Variants in C8A observed in about 807,000 individuals in gnomAD.
C8A encodes the protein complement component C8 alpha chain.
C8A carries 67 observed loss-of-function variants against 65.3 expected under a neutral mutation model. That is an observed-to-expected ratio of 1.03 (90% CI 0.84 to 1.26). The LOEUF is 1.26. Ranked by LOEUF, C8A falls within the 50% of genes most tolerant of loss-of-function variation. The pLI, the probability that C8A is intolerant of heterozygous loss-of-function variation, is 0.00. For synonymous variants in C8A, 290 were observed against 259.4 expected (o/e 1.12, Z -1.13); for missense variants, 781 against 723.9 (o/e 1.08, Z -0.90).
chr1:56,870,009 T>G (rs558866788), intron 2 of C8A, among the ~76,000 whole-genome samples: 1 of 152,308 alleles, frequency 6.6e-6, no homozygotes, highest in Admixed American at 6.5e-5. Context: ...CTGAAATTTG[T>G]TATTCTGCCT....
At chr1:56,906,235 C>A (rs1644462942) in intron 7 of C8A, among the ~76,000 whole-genome samples, 1 of 152,024 alleles carries the variant, frequency 6.6e-6, no homozygotes, top group South Asian at 2.1e-4. Flanking sequence ...TGAATGGAAG[C>A]TTGAGTAGCC....
At chr1:56,885,029 A>T (rs1644278059) in intron 6 of C8A, among the ~76,000 whole-genome samples, 1 of 151,092 alleles carries the variant, frequency 6.6e-6, no homozygotes. Flanking sequence ...TTTGATTAGC[A>T]CTAGGAGAAG....
chr1:56,859,246 G>T (rs1413184695), intron 1 of C8A, among the ~76,000 whole-genome samples: 1 of 152,102 alleles, frequency 6.6e-6, no homozygotes, highest in Non-Finnish European at 1.5e-5. Flanking sequence ...ACCACCACAG[G>T]GTTCTTGTGA....
At chr1:56,895,170 C>G (rs141841492) in intron 7 of C8A, among the ~76,000 whole-genome samples, 1 of 152,138 alleles carries the variant, frequency 6.6e-6, no homozygotes, top group Non-Finnish European at 1.5e-5. Flanking sequence ...TCCAAGTACT[C>G]ATCCCTTTTT....
chr1:56,899,398 T>G (rs1479228830), intron 7 of C8A, among the ~76,000 whole-genome samples: 1 of 152,200 alleles, frequency 6.6e-6, no homozygotes, highest in African/African-American at 2.4e-5. Flanking sequence ...TGTTATTTAC[T>G]TAGTGTATAA....
At chr1:56,912,715 T>A in intron 10 of C8A, 90 bp downstream of exon 10, 1 of 1,176,400 alleles carries the variant, frequency 8.5e-7, no homozygotes, top group Non-Finnish European at 1.2e-6. Flanking sequence ...CGGCCCCTCC[T>A]TTTGGAGCTC....
intron 7 of C8A, among the ~76,000 whole-genome samples, chr1:56,889,208 G>A (rs759103567): frequency 4.6e-5 from 7 of 152,070 alleles, no homozygotes; most frequent in African/African-American, 7.2e-5. Flanking sequence ...CTATAAATCC[G>A]GAAAGTTAGT....
intron 1 of C8A, among the ~76,000 whole-genome samples, chr1:56,864,886 T>A (rs1644069845): frequency 1.3e-5 from 2 of 152,194 alleles, no homozygotes; most frequent in South Asian, 4.1e-4. Flanking sequence ...TAAGACATTA[T>A]TTTCCCCTTT....
At chr1:56,904,758 T>C (rs1048140003) in intron 7 of C8A, among the ~76,000 whole-genome samples, 1 of 152,196 alleles carries the variant, frequency 6.6e-6, no homozygotes, top group Non-Finnish European at 1.5e-5. Context: ...CTATGATTCT[T>C]TGTAAGTCAC....
At chr1:56,887,448 T>C (rs1644308642) in intron 7 of C8A, among the ~76,000 whole-genome samples, 1 of 152,228 alleles carries the variant, frequency 6.6e-6, no homozygotes, top group South Asian at 2.1e-4. Context: ...ATTTCTCTAA[T>C]GACCAGTGAT....
At position 56,874,979 on chromosome 1, in the gene C8A, A is replaced by G. The variant is rs183038925; in HGVS notation, c.202A>G (p.Lys68Glu). 6.2e-7 allele frequency: 1 copy of G among 1,613,750 alleles called. No individual in the cohort carries two copies. Among genetic ancestry groups the G allele is most frequent in the Non-Finnish European group, 8.5e-7 (1 of 1,179,826 alleles). Reference protein sequence around the residue: ...YRHRSLLQPNKFGGTICSGDI... With the variant: ...YRHRSLLQPNEFGGTICSGDI... ...ACACCGGAGCCTCTTGCAGCCAAAC[A>G]AGTTTGGGGGAACCATCTGCAGTGG... Residue 68 changes from lysine (K) to glutamate (E), a missense_variant, in exon 3 of 11, where the codon AAG becomes GAG. By Grantham distance (56) the Lys-to-Glu change is moderately conservative. Coordinates refer to ENST00000361249, the MANE Select transcript of C8A (RefSeq NM_000562.3).
Position 56,876,218 on chromosome 1 carries a change from C to T in C8A, c.464+9C>T. The T allele has an allele frequency of 1.9e-6, 3 of 1,613,718 alleles. No homozygotes were observed. The highest frequency in any genetic ancestry group is 2.2e-5 in the East Asian group (1 of 44,834). On this transcript the variant is annotated intron_variant, in intron 4 of 10. Coordinates refer to ENST00000361249, the MANE Select transcript of C8A (RefSeq NM_000562.3). ...CAGAAGGCAGCCTTGGGGTGAGGCC[C>T]TGCCTACTAGCTATTTAGGAGCAGG...
At chr1:56,885,329 A>T (rs1361791070) in intron 6 of C8A, among the ~76,000 whole-genome samples, 7 of 124,274 alleles carry the variant, frequency 5.6e-5, no homozygotes, top group African/African-American at 2.3e-4. Flanking sequence ...TATTTATTTA[A>T]ATATATATTT....
chr1:56,908,605 G>A (rs965711430), intron 9 of C8A, among the ~76,000 whole-genome samples: 5 of 151,998 alleles, frequency 3.3e-5, no homozygotes, highest in Non-Finnish European at 7.3e-5. Context: ...TGGCTCAAAG[G>A]CCATACAAAA....
intron 5 of C8A, among the ~76,000 whole-genome samples, chr1:56,881,857 C>T (rs1644251269): frequency 6.6e-6 from 1 of 152,134 alleles, no homozygotes; most frequent in South Asian, 2.1e-4. Context: ...GGCTCCATTC[C>T]AAAATCAGTA....
intron 7 of C8A, among the ~76,000 whole-genome samples, chr1:56,890,551 C>G (rs2101259360): frequency 6.6e-6 from 1 of 152,282 alleles, no homozygotes; most frequent in Admixed American, 6.5e-5. Flanking sequence ...TGTTCTCCCT[C>G]TATTACTGTC....
chr1:56,876,385 C>T (rs1263932847), intron 4 of C8A, among the ~76,000 whole-genome samples, 176 bp downstream of exon 4: 1 of 151,666 alleles, frequency 6.6e-6, no homozygotes, highest in African/African-American at 2.4e-5. Context: ...TGACACTGCC[C>T]ATGCTCTCCC....
intron 7 of C8A, among the ~76,000 whole-genome samples, chr1:56,906,408 A>G (rs1175057184): frequency 6.6e-6 from 1 of 152,174 alleles, no homozygotes; most frequent in African/African-American, 2.4e-5. Context: ...GTGGCTCAAT[A>G]AAGAATGGTC....
At chr1:56,904,342 CA>C (rs1429235393) in intron 7 of C8A, among the ~76,000 whole-genome samples, 1 of 152,150 alleles carries the variant, frequency 6.6e-6, no homozygotes, top group South Asian at 2.1e-4. Flanking sequence ...TATATTGAAA[CA>C]AAAAACTCTC....
Sources: allele counts gnomAD v4.1 joint callset (sites outside exome capture counted in the v4.1 genomes callset), GRCh38; gene constraint gnomAD v4.1.1; transcripts MANE v1.5; gene names NCBI Gene and HGNC (gene_info 2026-07-23, HGNC 2026-07-21).